IGSF11: variants seen among roughly 807,000 people sequenced by gnomAD.
IGSF11 encodes the protein CXADR like 1.
IGSF11 carries 22 observed loss-of-function variants against 41.0 expected under a neutral mutation model. The ratio of observed to expected loss-of-function variants is 0.54; its 90% CI spans 0.38 to 0.77. The LOEUF is 0.77. IGSF11 is among the 30% of genes least tolerant of loss of function. IGSF11 has a pLI of 0.00. For synonymous variants in IGSF11, 219 were observed against 201.3 expected (o/e 1.09, Z -0.74); for missense variants, 444 against 530.8 (o/e 0.84, Z 1.61).
intron 4 of IGSF11, among the ~76,000 whole-genome samples, chr3:118,917,095 C>T (rs1292808899): frequency 1.1e-4 from 17 of 152,074 alleles, no homozygotes; most frequent in Middle Eastern, 3.4e-3. Flanking sequence ...ATCTCTGGGA[C>T]GCATTCAAAG....
chr3:118,964,608 C>CT (rs1397301091), intron 1 of IGSF11, among the ~76,000 whole-genome samples: 6 of 152,088 alleles, frequency 3.9e-5, no homozygotes, highest in Non-Finnish European at 7.4e-5. Flanking sequence ...TTCTTAGACT[C>CT]TGAGCGTATG....
intron 1 of IGSF11, among the ~76,000 whole-genome samples, chr3:118,982,278 C>T (rs1314337895): frequency 6.6e-6 from 1 of 152,160 alleles, no homozygotes; most frequent in African/African-American, 2.4e-5. Context: ...AGAGAGACCA[C>T]AATACCAAAT....
At chr3:119,120,625 T>C (rs546103272) in intron 1 of IGSF11, among the ~76,000 whole-genome samples, 8 of 152,234 alleles carry the variant, frequency 5.3e-5, no homozygotes, top group Non-Finnish European at 1.2e-4. Flanking sequence ...GCCATTTACA[T>C]AGCCCGTGAA....
chr3:119,007,651 G>A (rs1448393335), intron 1 of IGSF11, among the ~76,000 whole-genome samples: 1 of 152,046 alleles, frequency 6.6e-6, no homozygotes, highest in Non-Finnish European at 1.5e-5. Context: ...CAACACCACA[G>A]AAAGCAGGGT....
At chr3:119,085,880 C>G (rs1559859144) in intron 1 of IGSF11, among the ~76,000 whole-genome samples, 1 of 152,148 alleles carries the variant, frequency 6.6e-6, no homozygotes, top group Admixed American at 6.5e-5. Context: ...AATGCACAAA[C>G]AAAGCAAGGA....
chr3:118,933,470 T>TTATATATATATATATA (rs1553754813), intron 1 of IGSF11, among the ~76,000 whole-genome samples: 76 of 146,156 alleles, frequency 5.2e-4, no homozygotes, highest in Admixed American at 1.6e-3. Flanking sequence ...CATGTATTTT[T>TTATATATATATATATA]TATATATATA....
At chr3:118,948,211 A>C (rs1321636009) in intron 1 of IGSF11, 1 of 152,230 alleles carries the variant, frequency 6.6e-6, no homozygotes, top group African/African-American at 2.4e-5. Flanking sequence ...TGGACATATC[A>C]GATAATAAAT....
chr3:118,995,161 T>C (rs187893940), intron 1 of IGSF11, among the ~76,000 whole-genome samples: 12 of 152,332 alleles, frequency 7.9e-5, no homozygotes, highest in African/African-American at 2.9e-4. Flanking sequence ...AGATTTATTT[T>C]AGAAATATCA....
At chr3:118,953,059 C>T (rs568054001) in intron 1 of IGSF11, among the ~76,000 whole-genome samples, 1 of 152,062 alleles carries the variant, frequency 6.6e-6, no homozygotes, top group South Asian at 2.1e-4. Flanking sequence ...CCCTTCCAAC[C>T]TTTCCCCACT....
intron 1 of IGSF11, among the ~76,000 whole-genome samples, chr3:119,001,571 C>A (rs1394748876): frequency 4.2e-5 from 6 of 143,456 alleles, no homozygotes; most frequent in African/African-American, 1.0e-4. Flanking sequence ...GCTGCACCCA[C>A]TAACTCGTCA....
intron 1 of IGSF11, among the ~76,000 whole-genome samples, chr3:119,132,378 C>CAAAAAAAAAAAAAAAAA (rs58700219): frequency 2.5e-5 from 1 of 39,784 alleles, no homozygotes; most frequent in African/African-American, 1.1e-4. Context: ...AAACAGAAAG[C>CAAAAAAAAAAAAAAAAA]AAAAAAAAAA....
At chr3:118,972,881 A>G (rs1210432552) in intron 1 of IGSF11, among the ~76,000 whole-genome samples, 6 of 152,234 alleles carry the variant, frequency 3.9e-5, no homozygotes, top group Non-Finnish European at 7.3e-5. Flanking sequence ...AGGCCACACC[A>G]TAAATGAATA....
At chr3:119,086,488 A>G (rs1232374524) in intron 1 of IGSF11, among the ~76,000 whole-genome samples, 1 of 135,242 alleles carries the variant, frequency 7.4e-6, no homozygotes, top group Non-Finnish European at 1.5e-5. Flanking sequence ...GAGGGGGAGG[A>G]AAAAAAAAAA....
At chr3:118,980,278 G>A (rs1464814291) in intron 1 of IGSF11, among the ~76,000 whole-genome samples, 2 of 152,176 alleles carry the variant, frequency 1.3e-5, no homozygotes, top group East Asian at 1.9e-4. Flanking sequence ...CAACCTAAGC[G>A]TACATCAACA....
At chr3:118,999,155 G>A (rs936313974) in intron 1 of IGSF11, among the ~76,000 whole-genome samples, 5 of 151,708 alleles carry the variant, frequency 3.3e-5, no homozygotes, top group African/African-American at 7.3e-5. Context: ...GAAACAAATC[G>A]AGTGAATGGG....
chr3:119,134,736 G>C (rs2077535195), intron 1 of IGSF11, among the ~76,000 whole-genome samples: 1 of 152,060 alleles, frequency 6.6e-6, no homozygotes, highest in African/African-American at 2.4e-5. Flanking sequence ...CCAAAAAAGA[G>C]TCCACATAGC....
intron 1 of IGSF11, among the ~76,000 whole-genome samples, chr3:119,045,557 A>G (rs559561921): frequency 6.0e-4 from 92 of 152,196 alleles, no homozygotes; most frequent in Middle Eastern, 3.4e-3. Context: ...GGCGGCAGTG[A>G]GGCTGGGGGA....
At chr3:118,978,604 G>T (rs1358379061) in intron 1 of IGSF11, among the ~76,000 whole-genome samples, 2 of 152,164 alleles carry the variant, frequency 1.3e-5, no homozygotes, top group African/African-American at 4.8e-5. Flanking sequence ...CCGGATCTCA[G>T]CACAACTTCA....
At chr3:119,045,298 G>C (rs150340678) in intron 1 of IGSF11, among the ~76,000 whole-genome samples, 6 of 152,254 alleles carry the variant, frequency 3.9e-5, no homozygotes, top group African/African-American at 1.2e-4. Flanking sequence ...CACCGTGCAC[G>C]AGCCGAAGCA....
Sources: allele counts gnomAD v4.1 joint callset (sites outside exome capture counted in the v4.1 genomes callset), GRCh38; gene constraint gnomAD v4.1.1; transcripts MANE v1.5; gene names NCBI Gene and HGNC (gene_info 2026-07-23, HGNC 2026-07-21).